Variants in LZTFL1 observed in about 807,000 individuals in gnomAD.
LZTFL1 encodes leucine zipper transcription factor like 1.
Under a neutral mutation model 45.9 loss-of-function variants are expected in LZTFL1, and 25 were observed. The observed-to-expected ratio is 0.54, with a 90% CI of 0.40 to 0.76. The LOEUF is 0.76. Among genes scored for constraint, LZTFL1 ranks in the 30% least tolerant of loss-of-function variants. The pLI, the probability that LZTFL1 is intolerant of heterozygous loss-of-function variation, is 0.00. For synonymous variants in LZTFL1, 93 were observed against 117.4 expected, an observed-to-expected ratio of 0.79 and a Z score of 1.35; for missense variants, 277 against 331.1, an observed-to-expected ratio of 0.84 and a Z score of 1.27.
intron 2 of LZTFL1, among the ~76,000 whole-genome samples, chr3:45,874,186 C>G (rs1358253444): frequency 2.0e-5 from 3 of 152,154 alleles, no homozygotes; most frequent in African/African-American, 7.2e-5. Context: ...CCTCCTCTTT[C>G]CTACATCTCT....
intron 7 of LZTFL1, among the ~76,000 whole-genome samples, chr3:45,829,638 T>C (rs1700765096): frequency 6.7e-6 from 1 of 149,162 alleles, no homozygotes; most frequent in South Asian, 2.3e-4. Context: ...AAAAGTACTT[T>C]CAACAGAAGA....
chr3:45,889,690 T>C (rs1468405850), intron 2 of LZTFL1, among the ~76,000 whole-genome samples: 1 of 152,038 alleles, frequency 6.6e-6, no homozygotes, highest in Non-Finnish European at 1.5e-5. Flanking sequence ...TTTTCTATTT[T>C]TTTTTTTTTA....
intron 5 of LZTFL1, among the ~76,000 whole-genome samples, chr3:45,831,802 T>C (rs186778901): frequency 8.1e-4 from 123 of 152,264 alleles, no homozygotes; most frequent in Middle Eastern, 6.8e-3. Context: ...GGTACCCCTT[T>C]ACCCAAGAGC....
chr3:45,829,608 G>GAAAA (rs1206418827), intron 7 of LZTFL1, among the ~76,000 whole-genome samples: 19 of 58,928 alleles, frequency 3.2e-4, no homozygotes, highest in East Asian at 6.6e-4. Flanking sequence ...TGTCTCAAAA[G>GAAAA]AAAAAAAAAA....
In LZTFL1 at chr3:45,910,460, G is replaced by A. The variant is rs909588533; in HGVS notation, c.-215+2660C>T. Among the ~76,000 whole-genome samples the A allele has an allele frequency of 3.9e-5, 6 of 152,338 alleles. No homozygotes were observed. The South Asian group carries it at 6.2e-4, about 16-fold the overall frequency. ...GAGAGCAAGTCTGGGGATGCTACCC[G>A]GAAGATGGTAGCCATGAGCATGGGA... On this transcript the variant is annotated intron_variant, in intron 2 of 4. Transcript: ENST00000472635.
chr3:45,856,614 A>G (rs1223258612), intron 3 of LZTFL1, among the ~76,000 whole-genome samples: 1 of 152,200 alleles, frequency 6.6e-6, no homozygotes, highest in South Asian at 2.1e-4. Flanking sequence ...GATGGGAGAA[A>G]ATGTTTTCAA....
upstream of LZTFL1, among the ~76,000 whole-genome samples, chr3:45,842,469 C>T (rs371641050): frequency 1.7e-4 from 25 of 151,018 alleles, no homozygotes; most frequent in East Asian, 3.7e-3. Flanking sequence ...TCATAGGGCG[C>T]GGCCCAGACA....
chr3:45,871,005 G>T (rs1701662868), intron 2 of LZTFL1, among the ~76,000 whole-genome samples: 1 of 152,120 alleles, frequency 6.6e-6, no homozygotes, highest in Non-Finnish European at 1.5e-5. Flanking sequence ...CATGCCCTGG[G>T]AATCTTTTCA....
intron 4 of LZTFL1, among the ~76,000 whole-genome samples, chr3:45,853,351 T>A (rs1239882740): frequency 2.0e-5 from 3 of 152,236 alleles, no homozygotes; most frequent in Non-Finnish European, 2.9e-5. Context: ...CTTGCTACAC[T>A]AGGGGAAACA....
intron 1 of LZTFL1, among the ~76,000 whole-genome samples, chr3:45,841,274 C>T (rs1249159259): frequency 1.3e-5 from 2 of 152,174 alleles, no homozygotes; most frequent in African/African-American, 2.4e-5. Flanking sequence ...TGCTCTCAAC[C>T]CTGGTTTCAT....
intron 2 of LZTFL1, among the ~76,000 whole-genome samples, chr3:45,875,506 T>C (rs1018269602): frequency 6.6e-6 from 1 of 152,162 alleles, no homozygotes; most frequent in Non-Finnish European, 1.5e-5. Context: ...TTCAATTTCA[T>C]TGTCTGCAAA....
intron 4 of LZTFL1, among the ~76,000 whole-genome samples, chr3:45,849,342 C>G (rs916024565): frequency 6.6e-6 from 1 of 152,102 alleles, no homozygotes; most frequent in South Asian, 2.1e-4. Context: ...CTGAAACAGC[C>G]CAGCATGTGG....
rs183009882 is a variant in LZTFL1, at chr3:45,850,756, G to T, written c.-49+4230C>A. On this transcript the variant is annotated intron_variant, in intron 4 of 4. Transcript: ENST00000472635. The stretch of plus-strand genomic sequence containing the variant: ...CCAACACCTGTACCTATGGGTGGCT[G>T]GTAGTCTGTGCGTCCTTCACAGTCA... Among the ~76,000 whole-genome samples the T allele has an allele frequency of 6.6e-5, 10 of 152,214 alleles. No individual in the cohort carries two copies. The East Asian group carries it at 1.9e-3, about 29-fold the overall frequency.
intron 2 of LZTFL1, among the ~76,000 whole-genome samples, chr3:45,869,295 C>T (rs982280155): frequency 6.6e-6 from 1 of 152,222 alleles, no homozygotes; most frequent in Non-Finnish European, 1.5e-5. Flanking sequence ...TTATGGGAAA[C>T]CCTTGGGATG....
At chr3:45,898,514 T>G (rs958361486) in intron 2 of LZTFL1, among the ~76,000 whole-genome samples, 1 of 152,268 alleles carries the variant, frequency 6.6e-6, no homozygotes, top group Non-Finnish European at 1.5e-5. Context: ...CATTTCCAGC[T>G]GCCCTGGCCT....
intron 2 of LZTFL1, among the ~76,000 whole-genome samples, chr3:45,910,631 T>C (rs1195311905): frequency 1.3e-5 from 2 of 152,184 alleles, no homozygotes; most frequent in African/African-American, 2.4e-5. Flanking sequence ...GTGAAACTTG[T>C]GTCAGGTTTG....
In LZTFL1 at chr3:45,835,797, C is replaced by A. The variant is rs1173022836; in HGVS notation, c.129-13G>T. ...GTCCTCCACCAGCCTGAAAAACAACCATGATCCAAAACTTATAGAAAAACA... is the reference window on the plus strand; with the variant it reads ...GTCCTCCACCAGCCTGAAAAACAACAATGATCCAAAACTTATAGAAAAACA... On this transcript the variant is annotated splice_polypyrimidine_tract_variant and intron_variant, in intron 2 of 9. Coordinates refer to ENST00000296135, the MANE Select transcript of LZTFL1 (RefSeq NM_020347.4). The A allele has an allele frequency of 1.3e-6, 2 of 1,576,556 alleles. No homozygotes were observed. The highest frequency in any genetic ancestry group is 2.7e-5 in the African/African-American group (2 of 73,972).
At chr3:45,882,519 A>G (rs1295607679) in intron 2 of LZTFL1, among the ~76,000 whole-genome samples, 3 of 152,220 alleles carry the variant, frequency 2.0e-5, no homozygotes, top group Non-Finnish European at 2.9e-5. Flanking sequence ...CAATTTGGGG[A>G]ACCTAAAAAG....
At chr3:45,890,309 ATATATATT>A (rs370970579) in intron 2 of LZTFL1, among the ~76,000 whole-genome samples, 41 of 50,388 alleles carry the variant, frequency 8.1e-4, no homozygotes, top group African/African-American at 1.4e-3. Context: ...TATAACATAT[ATATATATT>A]TATATAAATA....
Sources: gnomAD v4.1 joint callset for allele counts (sites outside exome capture counted in the v4.1 genomes callset) on GRCh38, gnomAD v4.1.1 for gene constraint, MANE v1.5 for transcripts, NCBI Gene and HGNC (gene_info 2026-07-23, HGNC 2026-07-21) for gene names.